Variants in TBX18 observed in about 807,000 individuals in gnomAD.
The protein encoded by TBX18 is T-box transcription factor 18.
TBX18 carries 21 observed loss-of-function variants against 55.0 expected under a neutral mutation model. The observed-to-expected ratio is 0.38, with a 90% CI of 0.27 to 0.55. The LOEUF is 0.55. Ranked by LOEUF, TBX18 falls within the 20% of genes least tolerant of loss-of-function variation. TBX18 has a pLI of 0.73. For missense variants in TBX18, 840 were observed against 799.6 expected (o/e 1.05, Z -0.61); for synonymous variants, 342 against 326.1 (o/e 1.05, Z -0.53).
At chr6:84,762,218 ACCT>A (rs1169215363) in intron 2 of TBX18, among the ~76,000 whole-genome samples, 2 of 152,190 alleles carry the variant, frequency 1.3e-5, no homozygotes, top group Non-Finnish European at 2.9e-5. Flanking sequence ...CTAAATAAAT[ACCT>A]GGACAAGGGT....
intron 2 of TBX18, 114 bp from the exon 3 acceptor site, chr6:84,760,470 A>C (rs1767619930): frequency 3.3e-6 from 2 of 607,118 alleles, no homozygotes. Context: ...GGATAAATTT[A>C]TAGTATTCAC....
intron 4 of TBX18, among the ~76,000 whole-genome samples, chr6:84,750,789 G>C (rs540078866): frequency 1.3e-4 from 20 of 151,516 alleles, no homozygotes; most frequent in African/African-American, 4.9e-4. Context: ...GCCCCACCTG[G>C]TGTCTCATTA....
chr6:84,758,709 C>T (rs1415732711), intron 3 of TBX18, among the ~76,000 whole-genome samples: 1 of 152,012 alleles, frequency 6.6e-6, no homozygotes, highest in Non-Finnish European at 1.5e-5. Flanking sequence ...CTAACAAAAC[C>T]TTGAAAAAGT....
chr6:84,737,443 C>A, intron 7 of TBX18, 34 bp from the exon 8 acceptor site: 1 of 1,493,874 alleles, frequency 6.7e-7, no homozygotes, highest in East Asian at 2.3e-5. Flanking sequence ...AGAATGACTC[C>A]ACAGTCATCC....
intron 5 of TBX18, among the ~76,000 whole-genome samples, chr6:84,746,136 C>T (rs1767178526): frequency 6.6e-6 from 1 of 151,992 alleles, no homozygotes; most frequent in Non-Finnish European, 1.5e-5. Context: ...TTGTGTTAGT[C>T]ACAACATGTA....
rs774490913 is a variant in TBX18, at chr6:84,737,241, G to A, written c.1268C>T (p.Ser423Leu). The change falls in exon 8 of 8, where the codon TCA becomes TTA. Residue 423 changes from serine to leucine, a missense_variant. Transcript: ENST00000369663. The part of the protein sequence containing the change: ...APADYSACAR[S>L]GLTLNRYSTS... ...GCTGTATCGGTTGAGGGTGAGGCCT[G>A]AGCGGGCACAGGCAGAATAGTCAGC... 2.5e-6 allele frequency: 4 copies of A among 1,609,314 alleles called. No homozygotes were observed. Among genetic ancestry groups the A allele is most frequent in the Non-Finnish European group, 3.4e-6 (4 of 1,177,338 alleles).
intron 4 of TBX18, among the ~76,000 whole-genome samples, chr6:84,753,299 C>T (rs978181733): frequency 2.0e-5 from 3 of 152,164 alleles, no homozygotes; most frequent in Admixed American, 1.3e-4. Flanking sequence ...CTCCTACGTC[C>T]AGTCAAAGCA....
intron 2 of TBX18, among the ~76,000 whole-genome samples, chr6:84,761,651 A>T (rs1224531268): frequency 6.6e-6 from 1 of 152,192 alleles, no homozygotes; most frequent in Non-Finnish European, 1.5e-5. Flanking sequence ...AGTTCCGTTT[A>T]AGGAAGCTTA....
rs916364159 is a variant in TBX18 at position 84,736,131 on chromosome 6, G to C, written c.*554C>G. 1 of 152,482 alleles carries C rather than the reference G, an allele frequency of 6.6e-6. No homozygotes were observed. Among genetic ancestry groups the C allele is most frequent in the Non-Finnish European group, 1.5e-5 (1 of 68,026 alleles). The allele number at this position is 152,482 out of a possible 1,614,324, so 9.4% of individuals were successfully genotyped here. Reference sequence around the variant, plus strand: ...ATATAGTATGTGTGGTAAATAATAAGCAGGAATGAAAAAGCTGATCCTTCA... The same window carrying C: ...ATATAGTATGTGTGGTAAATAATAACCAGGAATGAAAAAGCTGATCCTTCA... On this transcript the variant is annotated 3_prime_UTR_variant, in exon 8 of 8. Coordinates refer to ENST00000369663, the MANE Select transcript of TBX18 (RefSeq NM_001080508.3).
rs777531992 is a variant in TBX18, at chr6:84,762,761, G to A, written c.293-13C>T. 1.9e-6 allele frequency: 3 copies of A among 1,583,974 alleles called. No homozygotes were observed. Among genetic ancestry groups the A allele is most frequent in the South Asian group, 1.1e-5 (1 of 88,636 alleles). On this transcript the variant is annotated splice_polypyrimidine_tract_variant and intron_variant, in intron 1 of 7. Coordinates refer to ENST00000369663, the MANE Select transcript of TBX18 (RefSeq NM_001080508.3). ...TCCTCACAGCCGCCTGGACAGCAAA[G>A]GACAGAGAAAGGGAACTGGTGAGGG...
At chr6:84,756,546 C>G (rs769079549) in intron 4 of TBX18, 152 bp downstream of exon 4, 9 of 701,268 alleles carry the variant, frequency 1.3e-5, no homozygotes, top group Non-Finnish European at 2.0e-5. Flanking sequence ...ACAGTCTATG[C>G]AAATATAAAC....
intron 5 of TBX18, among the ~76,000 whole-genome samples, chr6:84,744,879 G>A (rs1284524606): frequency 6.6e-6 from 1 of 151,860 alleles, no homozygotes; most frequent in Non-Finnish European, 1.5e-5. Context: ...ATTCTTTGTG[G>A]CTTTTATCTG....
chr6:84,738,430 CT>C, intron 7 of TBX18, 66 bp downstream of exon 7: 1 of 1,206,180 alleles, frequency 8.3e-7, no homozygotes, highest in Non-Finnish European at 1.2e-6. Context: ...GACTTGTACA[CT>C]TTTAGTGCCT....
chr6:84,744,304 T>C lies in TBX18; in HGVS notation c.961A>G (p.Arg321Gly), dbSNP rs1562259111. The C allele has an allele frequency of 6.2e-7, 1 of 1,613,038 alleles. No homozygotes were observed. Among genetic ancestry groups the C allele is most frequent in the Non-Finnish European group, 8.5e-7 (1 of 1,179,448 alleles). Residue 321 changes from arginine (R) to glycine (G), a missense_variant, in exon 6 of 8, where the codon AGG becomes GGG. By Grantham distance (125) the Arg-to-Gly change is moderately radical. Coordinates refer to ENST00000369663, the MANE Select transcript of TBX18 (RefSeq NM_001080508.3). ...CGGAAGCCTTTAGCAAATGGATTCC[T>C]ATCTATCTTCAGGCGAGTAATCTGC... ...NQQITRLKIDRNPFAKGFRDS... is the reference protein window; with the variant it reads ...NQQITRLKIDGNPFAKGFRDS...
intron 6 of TBX18, among the ~76,000 whole-genome samples, chr6:84,743,483 C>T (rs1767099368): frequency 6.6e-6 from 1 of 152,110 alleles, no homozygotes. Flanking sequence ...TAAAAACAAG[C>T]TGCTTTTAAA....
rs1767746989 is a variant in TBX18 at position 84,764,060 on chromosome 6, A to G, written c.122T>C (p.Leu41Pro). ...QQQLQKKRRKLGAEEAAGAVD... is the reference protein window; with the variant it reads ...QQQLQKKRRKPGAEEAAGAVD... ...GGCCCCCGCCGCCTCTTCGGCGCCC[A>G]GTTTTCGCCGCTTCTTCTGAAGCTG... Residue 41 changes from leucine (L) to proline (P), a missense_variant, in exon 1 of 8, where the codon CTG becomes CCG. By Grantham distance (98) the Leu-to-Pro change is moderately conservative. Coordinates refer to ENST00000369663, the MANE Select transcript of TBX18 (RefSeq NM_001080508.3). 3 of 1,567,314 alleles carry G rather than the reference A, an allele frequency of 1.9e-6. No homozygotes were observed. Among genetic ancestry groups the G allele is most frequent in the East Asian group, 2.3e-5 (1 of 43,040 alleles).
At chr6:84,750,886 CTG>C (rs1246746688) in intron 4 of TBX18, among the ~76,000 whole-genome samples, 2 of 152,206 alleles carry the variant, frequency 1.3e-5, no homozygotes, top group African/African-American at 4.8e-5. Context: ...AATGTTAACT[CTG>C]TTTTTCCCCC....
chr6:84,760,272 C>A lies in TBX18; in HGVS notation c.582G>T (p.Val194=). The A allele has an allele frequency of 6.3e-7, 1 of 1,594,016 alleles. No individual in the cohort carries two copies. Among genetic ancestry groups the A allele is most frequent in the Non-Finnish European group, 8.6e-7 (1 of 1,168,456 alleles). ...QYYIAMDIVP[V]DNKRYRYVYH... ...CACTGTACCTGTATCTTTTGTTGTC[C>A]ACTGGTACAATATCCATGGCAATGT... The change falls in exon 3 of 8, where the codon GTG becomes GTT. Residue 194 remains valine, a synonymous_variant. Transcript: ENST00000369663.
chr6:84,741,348 G>T (rs151165339), intron 6 of TBX18: 10 of 152,234 alleles, frequency 6.6e-5, no homozygotes, highest in African/African-American at 1.9e-4. Context: ...TAGTAAAATG[G>T]TTATGTTTTT....
Sources: allele counts gnomAD v4.1 joint callset (sites outside exome capture counted in the v4.1 genomes callset), GRCh38; gene constraint gnomAD v4.1.1; transcripts MANE v1.5; gene names NCBI Gene and HGNC (gene_info 2026-07-23, HGNC 2026-07-21).